Variants in PDE4DIP observed in about 807,000 individuals in gnomAD.
PDE4DIP encodes myomegalin.
Under a neutral mutation model 221.4 loss-of-function variants are expected in PDE4DIP, and 59 were observed. The ratio of observed to expected loss-of-function variants is 0.27; its 90% confidence interval spans 0.22 to 0.33. The LOEUF is 0.33. Ranked by LOEUF, PDE4DIP falls within the 10% of genes least tolerant of loss-of-function variation. The pLI is 1.00. For synonymous variants in PDE4DIP, 404 were observed against 815.9 expected (o/e 0.50, Z 8.60); for missense variants, 1,036 against 2,154.2 (o/e 0.48, Z 10.28).
intron 3 of PDE4DIP, among the ~76,000 whole-genome samples, chr1:148,879,034 TG>T (rs1198224110): frequency 2.2e-3 from 166 of 76,620 alleles, no homozygotes; most frequent in African/African-American, 7.9e-3. Context: ...GGTTTTGTTT[TG>T]TTTTTTTTTT....
rs1553569289 is a variant in PDE4DIP at position 148,998,389 on chromosome 1, C to G, written c.3137+14C>G. ...GTCCCACATCAGGTAGGACATTCTT[C>G]CCAGGGAAGGGGAGCTTGCAGGTCA... is the stretch of plus-strand genomic sequence containing the variant. On this transcript the variant is annotated intron_variant, in intron 23 of 43. Coordinates refer to ENST00000369354, the Ensembl canonical transcript of PDE4DIP. 2 of 1,526,734 alleles carry G rather than the reference C, an allele frequency of 1.3e-6. No homozygotes were observed. The highest frequency in any genetic ancestry group is 2.3e-5 in the South Asian group (2 of 88,094). 94.6% of individuals were successfully genotyped at this position (1,526,734 alleles called of 1,614,324 possible).
chr1:149,015,729 T>A (rs1377045094), intron 32 of PDE4DIP, among the ~76,000 whole-genome samples: 1 of 150,098 alleles, frequency 6.7e-6, no homozygotes, highest in African/African-American at 2.4e-5. Context: ...AATACTTGCC[T>A]TACATAGGCC....
chr1:149,010,398 C>T (rs2068240254), intron 30 of PDE4DIP, 45 bp from the exon 34 acceptor site: 2 of 1,590,886 alleles, frequency 1.3e-6, no homozygotes, highest in African/African-American at 1.3e-5. Context: ...GATTCCAGTT[C>T]TCTGTAGAAC....
intron 1 of PDE4DIP, among the ~76,000 whole-genome samples, chr1:148,899,187 C>T (rs1485117990): frequency 2.5e-5 from 3 of 119,162 alleles, no homozygotes; most frequent in Admixed American, 1.7e-4. Context: ...TGTACAAAAG[C>T]AATGTGCACT....
chr1:148,821,628 A>G (rs1413825544), intron 1 of PDE4DIP, among the ~76,000 whole-genome samples: 4 of 146,892 alleles, frequency 2.7e-5, no homozygotes, highest in African/African-American at 1.0e-4. Flanking sequence ...CTGGAGCATA[A>G]TAAATAAGAG....
At chr1:148,859,876 A>G (rs1344347342) in intron 1 of PDE4DIP, among the ~76,000 whole-genome samples, 2 of 130,044 alleles carry the variant, frequency 1.5e-5, no homozygotes, top group African/African-American at 3.1e-5. Flanking sequence ...TGTCTCTACC[A>G]TACCCCAATT....
At chr1:148,996,625 A>G (rs1441150540) in intron 22 of PDE4DIP, among the ~76,000 whole-genome samples, 1 of 152,076 alleles carries the variant, frequency 6.6e-6, no homozygotes, top group Non-Finnish European at 1.5e-5. Flanking sequence ...ATGCTACTGA[A>G]CACCATTGCA....
intron 1 of PDE4DIP, among the ~76,000 whole-genome samples, chr1:148,892,466 G>A (rs1553437998): frequency 8.2e-6 from 1 of 121,636 alleles, no homozygotes; most frequent in Admixed American, 8.4e-5. Flanking sequence ...AGCTGCACAA[G>A]GTGTATGTGG....
chr1:148,934,177 G>T (rs1553473096), intron 4 of PDE4DIP, among the ~76,000 whole-genome samples: 1 of 151,442 alleles, frequency 6.6e-6, no homozygotes, highest in Non-Finnish European at 1.5e-5. Flanking sequence ...TTTCTTTGAA[G>T]GCTTTGTGAT....
At chr1:148,983,007 C>T (rs1265947220) in intron 21 of PDE4DIP, 3 of 152,030 alleles carry the variant, frequency 2.0e-5, no homozygotes, top group Non-Finnish European at 4.4e-5. Context: ...AGCCATAAGC[C>T]TTACTCTTAA....
At chr1:148,925,548 G>A (rs2046506597) in intron 1 of PDE4DIP, among the ~76,000 whole-genome samples, 1 of 146,708 alleles carries the variant, frequency 6.8e-6, no homozygotes. Flanking sequence ...ATTTTCTTCA[G>A]TAGGATTTAG....
At chr1:148,987,242 G>C (rs1316349400) in intron 21 of PDE4DIP, among the ~76,000 whole-genome samples, 1 of 152,080 alleles carries the variant, frequency 6.6e-6, no homozygotes, top group Non-Finnish European at 1.5e-5. Context: ...TCTGTTCCAC[G>C]ATCAGAATCT....
intron 4 of PDE4DIP, among the ~76,000 whole-genome samples, chr1:148,934,839 G>T (rs1311327872): frequency 6.6e-6 from 1 of 151,984 alleles, no homozygotes; most frequent in Non-Finnish European, 1.5e-5. Context: ...CCTGACCTCA[G>T]GTGATCCGCC....
chr1:148,995,022 AT>A (rs67110458), intron 22 of PDE4DIP, among the ~76,000 whole-genome samples: 6,387 of 151,390 alleles, frequency 0.042, 35 homozygotes, highest in East Asian at 0.35. Flanking sequence ...TATCTGCCAC[AT>A]TTTCTTTACC....
chr1:148,931,695 G>T lies in PDE4DIP; in HGVS notation c.219-105G>T, dbSNP rs1266734024. ...GTTGGTGGAAATATAAACCAGTTCA[G>T]TCACTGCAGAAAGCAGTTTGGAGAT... On this transcript the variant is annotated intron_variant, in intron 2 of 43. Coordinates refer to ENST00000369354, the Ensembl canonical transcript of PDE4DIP. The T allele has an allele frequency of 1.0e-5, 10 of 969,480 alleles. No individual in the cohort carries two copies. In the Admixed American group the frequency reaches 1.5e-4, roughly 15 times the overall value. 60.1% of individuals were successfully genotyped at this position (969,480 alleles called of 1,614,324 possible). A position where few individuals can be genotyped will look rare whatever the true frequency, so the allele number is the denominator to read the frequency against.
At chr1:149,006,047 C>T (rs1439839008) in intron 27 of PDE4DIP, among the ~76,000 whole-genome samples, 3 of 152,216 alleles carry the variant, frequency 2.0e-5, no homozygotes, top group South Asian at 2.1e-4. Context: ...GCAGGAGAAT[C>T]GCTTGAACCT....
chr1:148,980,426 A>G (rs1425733345), intron 20 of PDE4DIP, among the ~76,000 whole-genome samples: 1 of 152,210 alleles, frequency 6.6e-6, no homozygotes, highest in African/African-American at 2.4e-5. Flanking sequence ...TATAATGGGC[A>G]CTGATATTCA....
intron 1 of PDE4DIP, among the ~76,000 whole-genome samples, chr1:148,861,562 TG>T (rs1684155582): frequency 2.1e-5 from 1 of 48,074 alleles, no homozygotes; most frequent in Non-Finnish European, 3.7e-5. Context: ...CGCTTGAACC[TG>T]GGAGGCGGAG....
rs587714545 is a variant in PDE4DIP at position 148,892,396 on chromosome 1, G to A, written c.141+2502G>A. 1.6e-5 allele frequency among the ~76,000 whole-genome samples: 2 copies of A among 121,872 alleles called. 1 individual carries two copies. Among genetic ancestry groups the A allele is most frequent in the Non-Finnish European group, 3.3e-5 (2 of 60,770 alleles). The allele number at this position is 121,872 out of a possible 152,430, so 80.0% of individuals were successfully genotyped here. On this transcript the variant is annotated intron_variant, in intron 1 of 43. Transcript: ENST00000369354. ...GAAAGATCTTTAGGAAACAACTTTG[G>A]GTGGGGTGTGAGAAGGCACCATTTC... is the stretch of plus-strand genomic sequence containing the variant.
Sources: allele counts gnomAD v4.1 joint callset (sites outside exome capture counted in the v4.1 genomes callset), GRCh38; gene constraint gnomAD v4.1.1; transcripts MANE v1.5; gene names NCBI Gene and HGNC (gene_info 2026-07-23, HGNC 2026-07-21).